Variants in TMEM114 observed in about 807,000 individuals in gnomAD.
TMEM114 encodes transmembrane protein 114, also known as claudin-26.
In TMEM114, 6 loss-of-function variants were observed where a neutral mutation model predicts 6.2. The ratio of observed to expected loss-of-function variants is 0.97; its 90% CI spans 0.53 to 1.91. TMEM114 has a LOEUF of 1.91. Among genes scored for constraint, TMEM114 ranks in the 40% most tolerant of loss-of-function variants. The pLI is 0.01. For synonymous variants in TMEM114, 104 were observed against 73.0 expected (o/e 1.42, Z -2.16); for missense variants, 218 against 158.3 (o/e 1.38, Z -2.02).
intron 2 of TMEM114, among the ~76,000 whole-genome samples, chr16:8,553,129 G>C (rs1389377580): frequency 6.6e-6 from 1 of 152,184 alleles, no homozygotes; most frequent in Non-Finnish European, 1.5e-5. Context: ...GATGACAGGA[G>C]AGCACAAGAG....
At chr16:8,530,926 G>A in the TMEM114 span, among the ~76,000 whole-genome samples, 2 of 152,092 alleles carry the variant, frequency 1.3e-5, no homozygotes, top group Non-Finnish European at 2.9e-5. Flanking sequence ...TCAGTAGGCT[G>A]AGGCAAGAGA....
downstream of TMEM114, among the ~76,000 whole-genome samples, chr16:8,566,634 C>T (rs542172359): frequency 3.9e-5 from 6 of 152,308 alleles, no homozygotes; most frequent in South Asian, 2.1e-4. Flanking sequence ...CCATGGGCAT[C>T]GCCCACTGCC....
chr16:8,557,004 C>G (rs904182278), intron 2 of TMEM114, among the ~76,000 whole-genome samples: 1 of 152,092 alleles, frequency 6.6e-6, no homozygotes, highest in Non-Finnish European at 1.5e-5. Context: ...CTGGAGGTGT[C>G]TGAGATCCCA....
chr16:8,576,079 A>G lies in TMEM114; in HGVS notation c.302-3855T>C, dbSNP rs925992665. ...ATCAGACGAGGTCATCTGAGACCAC[A>G]ATACAATGAGACCCAGCAAGGGCAC... On this transcript the variant is annotated intron_variant, in intron 2 of 3. Transcript: ENST00000620492. Among the ~76,000 whole-genome samples, 32 of 152,158 alleles carry G rather than the reference A, an allele frequency of 2.1e-4. 1 individual carries two copies. Among genetic ancestry groups the G allele is most frequent in the Non-Finnish European group, 2.6e-4 (18 of 68,026 alleles).
intron 2 of TMEM114, among the ~76,000 whole-genome samples, chr16:8,555,057 T>C (rs1476596871): frequency 6.6e-6 from 1 of 152,168 alleles, no homozygotes; most frequent in Admixed American, 6.5e-5. Flanking sequence ...TTCCCTCCCC[T>C]CTCCTCCCAG....
chr16:8,529,019 G>A, the TMEM114 span, among the ~76,000 whole-genome samples: 27 of 152,276 alleles, frequency 1.8e-4, no homozygotes, highest in African/African-American at 6.5e-4. Context: ...TGACTTTGAA[G>A]GTCCTTCCTG....
At chr16:8,562,608 G>C (rs1372706852) in intron 2 of TMEM114, among the ~76,000 whole-genome samples, 1 of 151,638 alleles carries the variant, frequency 6.6e-6, no homozygotes, top group African/African-American at 2.4e-5. Flanking sequence ...GAGTGAGTGA[G>C]TGAATGAGTG....
chr16:8,533,284 G>C (rs530104221), downstream of TMEM114, among the ~76,000 whole-genome samples: 52 of 152,334 alleles, frequency 3.4e-4, no homozygotes, highest in African/African-American at 1.1e-3. Flanking sequence ...GAACATCTGA[G>C]TTGAGACCTG....
chr16:8,537,243 G>A (rs1280961457), downstream of TMEM114, among the ~76,000 whole-genome samples: 1 of 152,128 alleles, frequency 6.6e-6, no homozygotes, highest in Admixed American at 6.5e-5. Context: ...GCTCACACCT[G>A]TAATCCCAGC....
rs1902423871 is a variant in TMEM114 at position 8,589,686 on chromosome 16, C to T, written c.153G>A (p.Leu51=). ...CGGGCTGGCTGCGATTGATGGACCC[C>T]AGCAGGTCCTGCGCCCCCGGGCCAG... is the stretch of plus-strand genomic sequence containing the variant. The part of the protein sequence containing the change: ...ERTGPGAQDL[L]GSINRSQPEP... Residue 51 remains leucine, a synonymous_variant, in exon 1 of 4, where the codon CTG becomes CTA. Transcript: ENST00000620492. 1 of 398,606 alleles carries T rather than the reference C, an allele frequency of 2.5e-6. No homozygotes were observed. Among genetic ancestry groups the T allele is most frequent in the Non-Finnish European group, 4.4e-6 (1 of 226,092 alleles). The allele number at this position is 398,606 out of a possible 1,614,324, so 24.7% of individuals were successfully genotyped here.
In TMEM114 at chr16:8,538,810, G is replaced by A. The variant is rs369990916; in HGVS notation, n.213-984C>T. ...TGTGAGCCACCGCGCCCGCCCGGCC[G>A]TGCTGTGTTTTTATGTTGTATATAC... On this transcript the variant is annotated intron_variant and non_coding_transcript_variant, in intron 2 of 2. Transcript: ENST00000623677. Among the ~76,000 whole-genome samples, 27 of 152,196 alleles carry A rather than the reference G, an allele frequency of 1.8e-4. 1 individual carries two copies. The East Asian group carries it at 2.3e-3, about 13-fold the overall frequency.
At chr16:8,536,436 G>A (rs1041734345), downstream of TMEM114, among the ~76,000 whole-genome samples, 4 of 152,090 alleles carry the variant, frequency 2.6e-5, no homozygotes, top group Non-Finnish European at 1.5e-5. Context: ...AAATGAGAAG[G>A]TTGACTTGAG....
chr16:8,581,523 G>A (rs923082626), intron 2 of TMEM114, among the ~76,000 whole-genome samples: 5 of 151,668 alleles, frequency 3.3e-5, no homozygotes, highest in South Asian at 2.1e-4. Context: ...GTGTGATCTC[G>A]GCCCACTGAA....
In TMEM114 at chr16:8,541,684, C is replaced by T. The variant is rs55849353; in HGVS notation, n.213-3858G>A. Among the ~76,000 whole-genome samples the T allele has an allele frequency of 6.2e-3, 949 of 152,220 alleles. 14 individuals carry two copies. The highest frequency in any genetic ancestry group is 0.046 in the South Asian group (223 of 4,818). Reference sequence around the variant, plus strand: ...AAAAATGTGACAAATGAGTGAGAAACAGCAGTCTGTTTTAATGAAAATTTC... The same window carrying T: ...AAAAATGTGACAAATGAGTGAGAAATAGCAGTCTGTTTTAATGAAAATTTC... On this transcript the variant is annotated intron_variant and non_coding_transcript_variant, in intron 2 of 2. Transcript: ENST00000623677.
chr16:8,561,860 GT>G lies in TMEM114; in HGVS notation n.213-24035del, dbSNP rs1472167917. 8.1e-5 allele frequency among the ~76,000 whole-genome samples: 12 copies of G among 148,350 alleles called. No homozygotes were observed. The South Asian group carries it at 1.8e-3, about 22-fold the overall frequency. ...AATGAGTGAGTGAATGAATGAGTGA[GT>G]GAGGGAATGAGTGAGTGAATGAGTG... On this transcript the variant is annotated intron_variant and non_coding_transcript_variant, in intron 2 of 2. Coordinates refer to the TMEM114 transcript ENST00000623677.
intron 2 of TMEM114, among the ~76,000 whole-genome samples, chr16:8,555,183 G>C (rs75405089): frequency 0.022 from 3,361 of 152,270 alleles, 57 homozygotes; most frequent in Middle Eastern, 0.034. Context: ...GACTTTCTGA[G>C]CACCTCATAC....
At chr16:8,546,546 A>T (rs557469985) in intron 2 of TMEM114, among the ~76,000 whole-genome samples, 2 of 152,168 alleles carry the variant, frequency 1.3e-5, no homozygotes, top group Non-Finnish European at 2.9e-5. Flanking sequence ...TCCGGCCACT[A>T]TCTCTAGCAA....
chr16:8,569,564 C>T lies in TMEM114; in HGVS notation c.*209G>A. ...TGGCACTCCCTCGGGCTCCTCCAGG[C>T]CACACGGACACACACGGACATAAGC... On this transcript the variant is annotated 3_prime_UTR_variant, in exon 4 of 4. Transcript: ENST00000620492. 1 of 1,419,636 alleles carries T rather than the reference C, an allele frequency of 7.0e-7. No individual in the cohort carries two copies. Among genetic ancestry groups the T allele is most frequent in the Non-Finnish European group, 9.2e-7 (1 of 1,090,146 alleles). The allele number at this position is 1,419,636 out of a possible 1,614,324, so 87.9% of individuals were successfully genotyped here.
chr16:8,577,297 G>C (rs1200078006), intron 2 of TMEM114, among the ~76,000 whole-genome samples: 1 of 152,238 alleles, frequency 6.6e-6, no homozygotes, highest in African/African-American at 2.4e-5. Flanking sequence ...CAGCTAGAGA[G>C]GGATGATGTG....
Sources: allele counts gnomAD v4.1 joint callset (sites outside exome capture counted in the v4.1 genomes callset), GRCh38; gene constraint gnomAD v4.1.1; transcripts MANE v1.5; gene names NCBI Gene and HGNC (gene_info 2026-07-23, HGNC 2026-07-21).